The following NIPSNAP2 variants were observed in gnomAD, a reference collection of about 807,000 sequenced individuals.
NIPSNAP2 encodes protein NipSnap homolog 2.
A neutral mutation model predicts 48.4 loss-of-function variants in NIPSNAP2; 42 were observed. The ratio of observed to expected loss-of-function variants is 0.87; its 90% confidence interval spans 0.68 to 1.12. The LOEUF is 1.12. Among genes scored for constraint, NIPSNAP2 ranks in the 50% most tolerant of loss-of-function variants. The probability of loss-of-function intolerance (pLI) is 0.00; values close to 1 mark genes in which losing one functional copy is unlikely to be tolerated. For synonymous variants in NIPSNAP2, 158 were observed against 126.6 expected (o/e 1.25, Z -1.67); for missense variants, 314 against 347.3 (o/e 0.90, Z 0.76).
intron 1 of NIPSNAP2, among the ~76,000 whole-genome samples, chr7:55,976,145 AT>A (rs1367014200): frequency 9.9e-5 from 15 of 152,208 alleles, no homozygotes; most frequent in African/African-American, 3.6e-4. Context: ...AGGCCCAGTC[AT>A]GTTCCCCAGA....
At chr7:55,968,201 C>T (rs1786938203) in intron 1 of NIPSNAP2, among the ~76,000 whole-genome samples, 1 of 152,074 alleles carries the variant, frequency 6.6e-6, no homozygotes, top group African/African-American at 2.4e-5. Flanking sequence ...CCCCTACCCA[C>T]AAGAGCAATG....
chr7:55,994,877 T>A lies in NIPSNAP2; in HGVS notation c.618-17T>A. 6.2e-7 allele frequency: 1 copy of A among 1,609,010 alleles called. No homozygotes were observed. The highest frequency in any genetic ancestry group is 8.5e-7 in the Non-Finnish European group (1 of 1,175,298). The stretch of plus-strand genomic sequence containing the variant: ...TCTAATTCAGTGTCTTAAACAAACA[T>A]CATCTCATTCTTACAGGGCTCGTGC... On this transcript the variant is annotated splice_polypyrimidine_tract_variant and intron_variant, in intron 7 of 9. Transcript: ENST00000322090.
chr7:55,997,873 G>A (rs1464741604), intron 9 of NIPSNAP2, among the ~76,000 whole-genome samples: 4 of 152,130 alleles, frequency 2.6e-5, no homozygotes, highest in African/African-American at 7.2e-5. Flanking sequence ...CTTCCTGTAT[G>A]TACAGTATGT....
At chr7:55,993,573 T>G (rs980246723) in intron 7 of NIPSNAP2, among the ~76,000 whole-genome samples, 2 of 87,474 alleles carry the variant, frequency 2.3e-5, no homozygotes, top group African/African-American at 4.0e-5. Flanking sequence ...CGAGACTCCA[T>G]CTAAAAAAAA....
At chr7:55,974,340 C>G (rs575061724) in intron 1 of NIPSNAP2, among the ~76,000 whole-genome samples, 1 of 151,854 alleles carries the variant, frequency 6.6e-6, no homozygotes, top group South Asian at 2.1e-4. Context: ...AATACCGTTG[C>G]TGCATAAGAA....
At position 55,999,357 on chromosome 7, in the gene NIPSNAP2, C is replaced by T. The variant is rs112989596; in HGVS notation, c.*285C>T. 5.0e-3 allele frequency: 1,401 copies of T among 277,904 alleles called. 14 individuals carry two copies. Among genetic ancestry groups the T allele is most frequent in the African/African-American group, 0.026 (1,204 of 45,866 alleles). The allele number at this position is 277,904 out of a possible 1,614,324, so 17.2% of individuals were successfully genotyped here. ...CTCCCCACCCTCCAGAAGGGGTCCA[C>T]GTTGAATTCTGAATCATCTTGAAAA... On this transcript the variant is annotated 3_prime_UTR_variant, in exon 10 of 10. Coordinates refer to ENST00000322090, the MANE Select transcript of NIPSNAP2 (RefSeq NM_001483.3).
Position 55,994,898 on chromosome 7 carries a change from C to G in NIPSNAP2, c.622C>G (p.Arg208Gly). The G allele has an allele frequency of 6.2e-7, 1 of 1,613,934 alleles. No homozygotes were observed. The highest frequency in any genetic ancestry group is 8.5e-7 in the Non-Finnish European group (1 of 1,179,830). Reference protein sequence around the residue: ...TMIEWGNYWARAIRFRQDGNE... With the variant: ...TMIEWGNYWAGAIRFRQDGNE... ...AACATCATCTCATTCTTACAGGGCT[C>G]GTGCAATCCGCTTCAGACAGGATGG... is the stretch of plus-strand genomic sequence containing the variant. The change falls in exon 8 of 10, where the codon CGT (arginine) becomes GGT (glycine). Residue 208 changes from arginine to glycine, a missense_variant. Arg to Gly is a moderately radical substitution (Grantham distance 125, BLOSUM62 -2). Transcript: ENST00000322090.
chr7:55,993,633 A>G (rs1294554966), intron 7 of NIPSNAP2, among the ~76,000 whole-genome samples: 2 of 151,162 alleles, frequency 1.3e-5, no homozygotes, highest in Non-Finnish European at 2.9e-5. Flanking sequence ...CCAACTACTC[A>G]GGAGGCTGAG....
At chr7:55,971,142 C>A (rs986422927) in intron 1 of NIPSNAP2, among the ~76,000 whole-genome samples, 1 of 152,122 alleles carries the variant, frequency 6.6e-6, no homozygotes, top group Non-Finnish European at 1.5e-5. Flanking sequence ...AGTTAAGAAC[C>A]CAGGCCCAAG....
chr7:55,981,400 A>G, intron 3 of NIPSNAP2, 73 bp from the exon 4 acceptor site: 2 of 986,982 alleles, frequency 2.0e-6, no homozygotes, highest in East Asian at 2.4e-5. Flanking sequence ...TTTTCCTGTT[A>G]CTGATCAGGT....
chr7:55,974,847 TAAAAAAAA>T (rs11391060), intron 1 of NIPSNAP2, among the ~76,000 whole-genome samples: 5 of 112,286 alleles, frequency 4.5e-5, no homozygotes, highest in Admixed American at 9.9e-5. Flanking sequence ...GACTCTGTCT[TAAAAAAAA>T]AAAAAAAAAA....
intron 7 of NIPSNAP2, among the ~76,000 whole-genome samples, chr7:55,994,054 G>A (rs1787505726): frequency 1.3e-5 from 2 of 152,168 alleles, no homozygotes; most frequent in South Asian, 4.1e-4. Context: ...AGTTCAGAGA[G>A]CAGGGGTGTT....
At chr7:55,998,698 A>G (rs1787619841) in intron 9 of NIPSNAP2, among the ~76,000 whole-genome samples, 1 of 151,720 alleles carries the variant, frequency 6.6e-6, no homozygotes, top group Non-Finnish European at 1.5e-5. Context: ...ACAGGGTTTC[A>G]CCCTGTTGGC....
chr7:55,993,248 G>A (rs893030121), intron 7 of NIPSNAP2, among the ~76,000 whole-genome samples: 64 of 150,726 alleles, frequency 4.2e-4, no homozygotes, highest in African/African-American at 1.5e-3. Context: ...GCAGTGAGCC[G>A]AGATCCCGCC....
Position 55,994,849 on chromosome 7 carries a change from G to A in NIPSNAP2, c.618-45G>A, listed in dbSNP as rs751310476. 11 of 1,496,236 alleles carry A rather than the reference G, an allele frequency of 7.4e-6. No homozygotes were observed. The African/African-American group carries it at 8.3e-5, about 11-fold the overall frequency. The allele number at this position is 1,496,236 out of a possible 1,614,324, so 92.7% of individuals were successfully genotyped here. On this transcript the variant is annotated intron_variant, in intron 7 of 9. Transcript: ENST00000322090. ...GTTTAGTCTACCGATTCTCGTTAGC[G>A]TATCTAATTCAGTGTCTTAAACAAA...
Position 55,999,100 on chromosome 7 carries a change from A to G in NIPSNAP2, c.*28A>G, listed in dbSNP as rs774516275. On this transcript the variant is annotated 3_prime_UTR_variant, in exon 10 of 10. Coordinates refer to ENST00000322090, the MANE Select transcript of NIPSNAP2 (RefSeq NM_001483.3). ...CTGTAGAGTTTCTATGTGCCTACAT[A>G]CATTTCTGTGACAAGTATTTGTCGT... 2.6e-6 allele frequency: 4 copies of G among 1,540,616 alleles called. No homozygotes were observed. Among genetic ancestry groups the G allele is most frequent in the Non-Finnish European group, 2.7e-6 (3 of 1,119,504 alleles).
At chr7:55,965,640 G>T (rs1346834241) in intron 1 of NIPSNAP2, among the ~76,000 whole-genome samples, 1 of 149,808 alleles carries the variant, frequency 6.7e-6, no homozygotes, top group Non-Finnish European at 1.5e-5. Context: ...AAGTGCAACG[G>T]CACGATCTTG....
intron 1 of NIPSNAP2, among the ~76,000 whole-genome samples, chr7:55,967,051 C>T (rs775246763): frequency 1.3e-5 from 2 of 152,248 alleles, no homozygotes; most frequent in Non-Finnish European, 2.9e-5. Context: ...CTCCCGGGAG[C>T]CTCATCCCTG....
intron 7 of NIPSNAP2, among the ~76,000 whole-genome samples, chr7:55,990,791 CTT>C (rs398004849): frequency 1.9e-4 from 26 of 136,684 alleles, no homozygotes; most frequent in Admixed American, 3.7e-4. Flanking sequence ...TTTTCTTTTT[CTT>C]TTTTTTTTTT....
Sources: gnomAD v4.1 joint callset for allele counts (sites outside exome capture counted in the v4.1 genomes callset) on GRCh38, gnomAD v4.1.1 for gene constraint, MANE v1.5 for transcripts, NCBI Gene and HGNC (gene_info 2026-07-23, HGNC 2026-07-21) for gene names.